The following RYR2 variants were observed in gnomAD, a reference collection of about 807,000 sequenced individuals.
RYR2 encodes the protein cardiac muscle ryanodine receptor-calcium release channel.
In RYR2, 227 loss-of-function variants were observed where a neutral mutation model predicts 601.1. That is an observed-to-expected ratio of 0.38 (90% CI 0.34 to 0.42). The LOEUF is 0.42. RYR2 is among the 10% of genes least tolerant of loss of function. The pLI is 1.00. For missense variants in RYR2, 4,646 were observed against 6,156.5 expected (o/e 0.75, Z 8.21); for synonymous variants, 2,223 against 2,175.1 (o/e 1.02, Z -0.61).
At chr1:237,178,054 C>A (rs1057448091) in intron 1 of RYR2, among the ~76,000 whole-genome samples, 7 of 152,236 alleles carry the variant, frequency 4.6e-5, no homozygotes, top group Middle Eastern at 3.4e-3. Context: ...TATTGTCAGG[C>A]ATTAATATTT....
chr1:237,291,714 G>C (rs1692214114), intron 2 of RYR2, among the ~76,000 whole-genome samples: 2 of 152,168 alleles, frequency 1.3e-5, no homozygotes, highest in Non-Finnish European at 2.9e-5. Context: ...TTCTGGAACA[G>C]TCAAATCTCT....
chr1:237,577,533 TGTGCGTGTGTGTGTG>T (rs1559055237), intron 29 of RYR2, among the ~76,000 whole-genome samples: 28 of 81,570 alleles, frequency 3.4e-4, no homozygotes, highest in African/African-American at 9.1e-4. Context: ...TGTGTGTGTG[TGTGCGTGTGTGTGTG>T]TTTGAGAGAG....
intron 17 of RYR2, among the ~76,000 whole-genome samples, chr1:237,477,309 T>G (rs1219631421): frequency 6.6e-6 from 1 of 152,128 alleles, no homozygotes; most frequent in African/African-American, 2.4e-5. Context: ...GAGAATCGCT[T>G]GAACCTGGGA....
intron 1 of RYR2, among the ~76,000 whole-genome samples, chr1:237,152,787 A>C (rs1674873028): frequency 6.6e-6 from 1 of 152,204 alleles, no homozygotes; most frequent in African/African-American, 2.4e-5. Flanking sequence ...CAATTGCAAC[A>C]AAAGCTGAAA....
rs76694059 is a variant in RYR2 at position 237,162,173 on chromosome 1, A to T, written c.49-108324A>T. Among the ~76,000 whole-genome samples, 1,471 of 152,296 alleles carry T rather than the reference A, an allele frequency of 9.7e-3. 26 individuals are homozygous for T. The highest frequency in any genetic ancestry group is 0.034 in the African/African-American group (1,415 of 41,560). The stretch of plus-strand genomic sequence containing the variant: ...GCATCATAAAAGGTGCTGTGCTGGA[A>T]TTAGTGTTCTGAAGCCATAGGTAGC... On this transcript the variant is annotated intron_variant, in intron 1 of 104. Transcript: ENST00000366574.
chr1:237,695,359 G>T (rs1376239096), intron 63 of RYR2, among the ~76,000 whole-genome samples: 1 of 152,004 alleles, frequency 6.6e-6, no homozygotes, highest in Non-Finnish European at 1.5e-5. Flanking sequence ...CAATCTTAAG[G>T]ACAAATAGGC....
chr1:237,700,104 T>C, intron 64 of RYR2, 125 bp from the exon 65 acceptor site: 2 of 651,178 alleles, frequency 3.1e-6, no homozygotes, highest in Non-Finnish European at 5.3e-6. Context: ...TTAGAGTTGA[T>C]TTTAAAAGTT....
At chr1:237,310,216 G>A (rs1694395272) in intron 2 of RYR2, among the ~76,000 whole-genome samples, 1 of 152,222 alleles carries the variant, frequency 6.6e-6, no homozygotes, top group African/African-American at 2.4e-5. Flanking sequence ...CTATTTAGGA[G>A]AATGGATGAC....
intron 66 of RYR2, 86 bp from the exon 67 acceptor site, chr1:237,705,127 T>A (rs1430336195): frequency 4.2e-6 from 5 of 1,197,924 alleles, no homozygotes; most frequent in Non-Finnish European, 6.0e-6. Flanking sequence ...TTATCATTCC[T>A]TTTAGGTTAA....
chr1:237,052,712 TC>T (rs1345168164), intron 1 of RYR2, among the ~76,000 whole-genome samples: 1 of 152,098 alleles, frequency 6.6e-6, no homozygotes, highest in Non-Finnish European at 1.5e-5. Flanking sequence ...GTTTTTTTTT[TC>T]CTCTCCTTTT....
At chr1:237,427,978 T>C (rs1222073938) in intron 12 of RYR2, among the ~76,000 whole-genome samples, 1 of 152,012 alleles carries the variant, frequency 6.6e-6, no homozygotes, top group Non-Finnish European at 1.5e-5. Context: ...AAGATATTTA[T>C]GTGGCCAAGA....
chr1:237,386,603 A>G (rs570115007), intron 8 of RYR2, among the ~76,000 whole-genome samples: 2 of 152,222 alleles, frequency 1.3e-5, no homozygotes, highest in Non-Finnish European at 2.9e-5. Context: ...TAAGCAAGTA[A>G]TTTTGTTTTT....
intron 29 of RYR2, among the ~76,000 whole-genome samples, chr1:237,574,838 C>T (rs751872592): frequency 6.6e-6 from 1 of 152,116 alleles, no homozygotes; most frequent in East Asian, 1.9e-4. Flanking sequence ...GAATGTAGCC[C>T]ACGTTACCAT....
chr1:237,744,658 A>C (rs969050387), intron 80 of RYR2, among the ~76,000 whole-genome samples: 2 of 150,438 alleles, frequency 1.3e-5, no homozygotes, highest in African/African-American at 5.0e-5. Context: ...CTCCGTCTCA[A>C]CAACAACAAA....
chr1:237,197,347 A>T (rs1680681967), intron 1 of RYR2, among the ~76,000 whole-genome samples: 1 of 152,212 alleles, frequency 6.6e-6, no homozygotes, highest in African/African-American at 2.4e-5. Flanking sequence ...ATTCCCATTC[A>T]TCTCAATTTA....
At chr1:237,335,511 C>T (rs1697161458) in intron 3 of RYR2, among the ~76,000 whole-genome samples, 2 of 152,140 alleles carry the variant, frequency 1.3e-5, no homozygotes, top group South Asian at 4.1e-4. Flanking sequence ...TGGTTTAATG[C>T]CATGAGTCCA....
Position 237,798,156 on chromosome 1 carries a change from C to T in RYR2, c.14076C>T (p.Ser4692=), listed in dbSNP as rs1188569107. ...AREKKKPKKD[S]SLSAVLNSID... ...AAAAGAAGAAGCCAAAGAAAGACAG[C>T]TCCTTATCAGCTGTGTAAGTGTTAC... The change falls in exon 97 of 105, where the codon AGC becomes AGT. Residue 4692 remains serine, a synonymous_variant. Transcript: ENST00000366574. 5 of 1,612,522 alleles carry T rather than the reference C, an allele frequency of 3.1e-6. No individual in the cohort carries two copies. The highest frequency in any genetic ancestry group is 4.2e-6 in the Non-Finnish European group (5 of 1,179,272).
intron 8 of RYR2, among the ~76,000 whole-genome samples, chr1:237,379,982 C>G (rs939030018): frequency 1.3e-5 from 2 of 152,066 alleles, no homozygotes; most frequent in African/African-American, 4.8e-5. Context: ...TGCTTTCTAA[C>G]CTCAAATAAT....
intron 35 of RYR2, among the ~76,000 whole-genome samples, chr1:237,604,079 A>G (rs1240728402): frequency 6.6e-6 from 1 of 152,218 alleles, no homozygotes; most frequent in Non-Finnish European, 1.5e-5. Context: ...GACCTAATAG[A>G]CATCTACAGA....
Sources: gnomAD v4.1 joint callset for allele counts (sites outside exome capture counted in the v4.1 genomes callset) on GRCh38, gnomAD v4.1.1 for gene constraint, MANE v1.5 for transcripts, NCBI Gene and HGNC (gene_info 2026-07-23, HGNC 2026-07-21) for gene names.